EPHA3: variants seen among roughly 807,000 people sequenced by gnomAD.
EPHA3 encodes the protein EPH receptor A3.
EPHA3 carries 42 observed loss-of-function variants against 107.1 expected under a neutral mutation model. The observed-to-expected ratio is 0.39, with a 90% CI of 0.31 to 0.51. The LOEUF (loss-of-function observed/expected upper bound fraction) is 0.51, where lower values mean the gene tolerates loss of function less well. EPHA3 is among the 20% of genes least tolerant of loss of function. EPHA3 has a pLI of 0.78. For missense variants in EPHA3, 1,183 were observed against 1,211.2 expected (o/e 0.98, Z 0.35); for synonymous variants, 461 against 424.8 (o/e 1.09, Z -1.05).
At chr3:89,166,409 AGG>A (rs1449509674) in intron 2 of EPHA3, among the ~76,000 whole-genome samples, 2,034 of 152,292 alleles carry the variant, frequency 0.013, 45 homozygotes, top group African/African-American at 0.043. Context: ...ACACATGGAG[AGG>A]AAGGGTAGTT....
At chr3:89,280,046 T>C (rs1013086742) in intron 3 of EPHA3, among the ~76,000 whole-genome samples, 3 of 152,122 alleles carry the variant, frequency 2.0e-5, no homozygotes, top group Non-Finnish European at 1.5e-5. Context: ...TGTGTGTGTG[T>C]GTGTGTGTGT....
At chr3:89,475,889 T>C (rs1005130999) in intron 16 of EPHA3, among the ~76,000 whole-genome samples, 6 of 151,812 alleles carry the variant, frequency 4.0e-5, no homozygotes, top group Non-Finnish European at 8.8e-5. Context: ...CAGAGTGTTA[T>C]GGAGACAGCA....
At chr3:89,133,330 G>T (rs913087663) in intron 2 of EPHA3, among the ~76,000 whole-genome samples, 11 of 152,168 alleles carry the variant, frequency 7.2e-5, no homozygotes, top group African/African-American at 2.7e-4. Flanking sequence ...TGCTGCAAAA[G>T]GAATTGCGGT....
intron 1 of EPHA3, among the ~76,000 whole-genome samples, chr3:89,115,723 G>A (rs1707239044): frequency 6.6e-6 from 1 of 152,086 alleles, no homozygotes; most frequent in Non-Finnish European, 1.5e-5. Context: ...CCCTAAAATA[G>A]GTAACATAAT....
At chr3:89,316,016 C>A (rs538883059) in intron 3 of EPHA3, among the ~76,000 whole-genome samples, 5 of 151,894 alleles carry the variant, frequency 3.3e-5, no homozygotes, top group African/African-American at 1.2e-4. Flanking sequence ...ACTTGAAATG[C>A]CTTTTTAAAT....
chr3:89,423,336 G>T (rs1709391107), intron 11 of EPHA3, among the ~76,000 whole-genome samples: 1 of 151,216 alleles, frequency 6.6e-6, no homozygotes, highest in Admixed American at 6.6e-5. Context: ...CCAGTTGCCT[G>T]TTTCCCTGCA....
intron 2 of EPHA3, among the ~76,000 whole-genome samples, chr3:89,204,310 A>G (rs1706046937): frequency 6.6e-6 from 1 of 152,168 alleles, no homozygotes. Context: ...AATAGTAGCC[A>G]TTATAATTAA....
chr3:89,420,878 G>A (rs1298126277), intron 11 of EPHA3, among the ~76,000 whole-genome samples: 1 of 151,400 alleles, frequency 6.6e-6, no homozygotes, highest in African/African-American at 2.4e-5. Context: ...TGAAGTATCT[G>A]TTATGTGCCC....
chr3:89,187,261 T>A, intron 2 of EPHA3, among the ~76,000 whole-genome samples: 1 of 149,664 alleles, frequency 6.7e-6, no homozygotes, highest in East Asian at 1.9e-4. Context: ...AAGTAATTAA[T>A]ATTTATTTAT....
chr3:89,168,785 C>T (rs1705138988), intron 2 of EPHA3, among the ~76,000 whole-genome samples: 1 of 151,772 alleles, frequency 6.6e-6, no homozygotes, highest in Non-Finnish European at 1.5e-5. Flanking sequence ...CAAAACCTTC[C>T]CTTTACATAT....
intron 5 of EPHA3, among the ~76,000 whole-genome samples, chr3:89,383,695 C>A (rs1387468298): frequency 7.7e-6 from 1 of 130,118 alleles, no homozygotes; most frequent in Non-Finnish European, 1.6e-5. Flanking sequence ...GTAGCCCAGG[C>A]TGGAGTGCAG....
At chr3:89,451,880 CGTGTGTGTGT>C (rs146055053) in intron 15 of EPHA3, among the ~76,000 whole-genome samples, 1 of 144,186 alleles carries the variant, frequency 6.9e-6, no homozygotes, top group African/African-American at 2.5e-5. Flanking sequence ...TCAAGCAGGG[CGTGTGTGTGT>C]GTGTGTGTGT....
At chr3:89,238,120 A>G (rs1704815948) in intron 3 of EPHA3, among the ~76,000 whole-genome samples, 1 of 152,234 alleles carries the variant, frequency 6.6e-6, no homozygotes. Flanking sequence ...AACAGCAATG[A>G]TAACATGCAG....
intron 3 of EPHA3, among the ~76,000 whole-genome samples, chr3:89,226,677 C>G (rs569469974): frequency 6.6e-6 from 1 of 152,152 alleles, no homozygotes; most frequent in East Asian, 1.9e-4. Flanking sequence ...GATGGTCTGT[C>G]TAACATGGTT....
chr3:89,417,802 T>C (rs953625496), intron 10 of EPHA3, among the ~76,000 whole-genome samples: 5 of 151,494 alleles, frequency 3.3e-5, no homozygotes, highest in Non-Finnish European at 7.4e-5. Context: ...TTATACTGTA[T>C]GCAATACAGT....
At chr3:89,262,114 C>T (rs908460714) in intron 3 of EPHA3, among the ~76,000 whole-genome samples, 2 of 151,996 alleles carry the variant, frequency 1.3e-5, no homozygotes, top group Admixed American at 6.6e-5. Flanking sequence ...AAGGAACTCT[C>T]GTATTCATAT....
chr3:89,408,108 G>A lies in EPHA3; in HGVS notation c.1739G>A (p.Arg580Lys). 6.2e-7 allele frequency: 1 copy of A among 1,612,812 alleles called. No individual in the cohort carries two copies. Among genetic ancestry groups the A allele is most frequent in the Non-Finnish European group, 8.5e-7 (1 of 1,179,094 alleles). Residue 580 changes from arginine (R) to lysine (K), a missense_variant, in exon 9 of 17, where the codon AGA becomes AAA. Transcript: ENST00000336596. ...TCAAAACATGGGGCAGATGAAAAAA[G>A]ACTTCATTTTGGCAATGGGCATTGT... ...YKSKHGADEK[R>K]LHFGNGHLKL... is the part of the protein sequence containing the mutation.
chr3:89,369,180 C>T (rs1370503424), intron 5 of EPHA3, among the ~76,000 whole-genome samples: 4 of 150,780 alleles, frequency 2.7e-5, no homozygotes, highest in East Asian at 1.9e-4. Context: ...AAAAAAGAGC[C>T]CGCATCACCA....
intron 5 of EPHA3, among the ~76,000 whole-genome samples, chr3:89,393,260 A>G (rs751739220): frequency 6.6e-6 from 1 of 152,200 alleles, no homozygotes; most frequent in Non-Finnish European, 1.5e-5. Flanking sequence ...ACAAAAGCCT[A>G]TTTATTACAG....
Sources: allele counts gnomAD v4.1 joint callset (sites outside exome capture counted in the v4.1 genomes callset), GRCh38; gene constraint gnomAD v4.1.1; transcripts MANE v1.5; gene names NCBI Gene and HGNC (gene_info 2026-07-23, HGNC 2026-07-21).